The following KIF26B variants were observed in gnomAD, a reference collection of about 807,000 sequenced individuals.
The protein encoded by KIF26B is kinesin-like protein KIF26B.
Under a neutral mutation model 151.2 loss-of-function variants are expected in KIF26B, and 63 were observed. The ratio of observed to expected loss-of-function variants is 0.42; its 90% CI spans 0.34 to 0.51. The LOEUF (loss-of-function observed/expected upper bound fraction) is 0.51, where lower values mean the gene tolerates loss of function less well. Ranked by LOEUF, KIF26B falls within the 20% of genes least tolerant of loss-of-function variation. KIF26B has a pLI of 0.07. For synonymous variants in KIF26B, 1,357 were observed against 1,262.1 expected, an observed-to-expected ratio of 1.08 and a Z score of -1.59; for missense variants, 2,813 against 2,913.6, an observed-to-expected ratio of 0.97 and a Z score of 0.79.
At chr1:245,416,566 C>T (rs1417289332) in intron 3 of KIF26B, among the ~76,000 whole-genome samples, 5 of 151,812 alleles carry the variant, frequency 3.3e-5, no homozygotes, top group Non-Finnish European at 7.4e-5. Flanking sequence ...ATGATATGAA[C>T]CGAAGTGGAG....
At chr1:245,386,926 T>A (rs969034319) in intron 3 of KIF26B, among the ~76,000 whole-genome samples, 1 of 152,074 alleles carries the variant, frequency 6.6e-6, no homozygotes, top group African/African-American at 2.4e-5. Flanking sequence ...CCAAGTGCAG[T>A]GTTTGGTGAC....
rs138796428 is a variant in KIF26B, at chr1:245,312,870, G to T, written c.466-53964G>T. 4.1e-4 allele frequency among the ~76,000 whole-genome samples: 63 copies of T among 152,186 alleles called. No homozygotes were observed. The East Asian group carries it at 9.7e-3, about 23-fold the overall frequency. ...AAGAGAACAAATTCAAGGGAAGATGGATGGATACTGGCCGGGCGCCGTGGC... is the reference window on the plus strand; with the variant it reads ...AAGAGAACAAATTCAAGGGAAGATGTATGGATACTGGCCGGGCGCCGTGGC... On this transcript the variant is annotated intron_variant, in intron 2 of 14. Transcript: ENST00000407071.
intron 2 of KIF26B, among the ~76,000 whole-genome samples, chr1:245,355,991 G>A (rs1672686994): frequency 1.3e-5 from 2 of 152,048 alleles, no homozygotes; most frequent in African/African-American, 4.8e-5. Context: ...CGTCACCTGG[G>A]TGCTCGTCAG....
At chr1:245,196,339 A>G (rs535579267) in intron 2 of KIF26B, among the ~76,000 whole-genome samples, 5 of 152,294 alleles carry the variant, frequency 3.3e-5, no homozygotes, top group African/African-American at 1.2e-4. Context: ...TCCCATTCCT[A>G]ATAGCTCTGA....
At chr1:245,184,050 G>GCTTTTTTTTTTTTTTTTTTTTTTTTTT (rs1668953825) in intron 2 of KIF26B, among the ~76,000 whole-genome samples, 1 of 19,804 alleles carries the variant, frequency 5.0e-5, no homozygotes. Context: ...GGGAGTTGTT[G>GCTTTTTTTTTTTTTTTTTTTTTTTTTT]TTTTTTTTTT....
At chr1:245,262,883 G>A (rs1031816610) in intron 2 of KIF26B, among the ~76,000 whole-genome samples, 13 of 152,220 alleles carry the variant, frequency 8.5e-5, no homozygotes, top group Admixed American at 6.5e-5. Context: ...CTCAACACCA[G>A]TGACATTCCA....
At position 245,698,039 on chromosome 1, in the gene KIF26B, CT is replaced by C. The variant is rs1353515682; in HGVS notation, c.5825-66del. 6.9e-7 allele frequency: 1 copy of C among 1,452,842 alleles called. No individual in the cohort carries two copies. Among genetic ancestry groups the C allele is most frequent in the Non-Finnish European group, 9.4e-7 (1 of 1,069,320 alleles). 90.0% of individuals were successfully genotyped at this position (1,452,842 alleles called of 1,614,324 possible). ...CCTGGGCAACAGAGCAAGACCCTGT[CT>C]CAAAAAAACAACAAAAAAATTGAAA... is the stretch of plus-strand genomic sequence containing the variant. On this transcript the variant is annotated intron_variant, in intron 12 of 14. Transcript: ENST00000407071. This position sits in a 1 kb window ranked among gnomAD's most constrained non-coding sequence, Gnocchi z 4.0.
rs746961698 is a variant in KIF26B, at chr1:245,685,974, A to G, written c.2991A>G (p.Pro997=). ...QLTNREGPEL[P]ASKMQRSHSP... ...CCAACAGAGAAGGCCCTGAACTCCC[A>G]GCCTCCAAGATGCAGAGGAGTCACT... The change falls in exon 12 of 15, where the codon CCA becomes CCG. Residue 997 remains proline (P), a synonymous_variant. Transcript: ENST00000407071. 7 of 1,600,622 alleles carry G rather than the reference A, an allele frequency of 4.4e-6. No homozygotes were observed. Among genetic ancestry groups the G allele is most frequent in the Non-Finnish European group, 6.0e-6 (7 of 1,174,048 alleles).
rs529828664 is a variant in KIF26B at position 245,232,756 on chromosome 1, G to C, written c.465+76073G>C. Among the ~76,000 whole-genome samples, 140 of 152,220 alleles carry C rather than the reference G, an allele frequency of 9.2e-4. 1 individual carries two copies. The highest frequency in any genetic ancestry group is 3.2e-3 in the African/African-American group (135 of 41,544). The stretch of plus-strand genomic sequence containing the variant: ...GTAGAGACGGGGTTTCTCCATGTTG[G>C]TCAGGCTGGTCTCGAACTCCCGACC... On this transcript the variant is annotated intron_variant, in intron 2 of 14. Transcript: ENST00000407071.
chr1:245,598,790 A>C (rs1454832548), intron 5 of KIF26B, among the ~76,000 whole-genome samples: 1 of 152,160 alleles, frequency 6.6e-6, no homozygotes, highest in African/African-American at 2.4e-5. Flanking sequence ...AGCTGTCCCA[A>C]TCCATCCGTG....
chr1:245,409,194 C>T (rs1329299666), intron 3 of KIF26B, among the ~76,000 whole-genome samples: 1 of 152,194 alleles, frequency 6.6e-6, no homozygotes, highest in African/African-American at 2.4e-5. Flanking sequence ...CATGGTGGGA[C>T]CATATCACCT....
chr1:245,672,469 C>T (rs765188971), intron 10 of KIF26B, among the ~76,000 whole-genome samples: 7 of 152,208 alleles, frequency 4.6e-5, no homozygotes, highest in East Asian at 1.9e-4. Context: ...GATGTTACCA[C>T]GCAACTGGCC....
At chr1:245,576,154 C>G (rs960563334) in intron 5 of KIF26B, among the ~76,000 whole-genome samples, 8 of 152,190 alleles carry the variant, frequency 5.3e-5, no homozygotes, top group African/African-American at 1.9e-4. Context: ...ACAATTAAGC[C>G]TCAGAGGATC....
At chr1:245,648,115 A>G (rs2043972920) in intron 10 of KIF26B, among the ~76,000 whole-genome samples, 1 of 152,232 alleles carries the variant, frequency 6.6e-6, no homozygotes, top group Admixed American at 6.5e-5. Context: ...TCAGAACTTC[A>G]TAGATCATGA....
At chr1:245,321,161 A>G (rs1671880596) in intron 2 of KIF26B, among the ~76,000 whole-genome samples, 1 of 151,826 alleles carries the variant, frequency 6.6e-6, no homozygotes, top group Admixed American at 6.6e-5. Context: ...CATCCTTCCC[A>G]CCATCCACCC....
Position 245,686,726 on chromosome 1 carries a change from T to C in KIF26B, c.3743T>C (p.Val1248Ala). 6.2e-7 allele frequency: 1 copy of C among 1,613,444 alleles called. No individual in the cohort carries two copies. Among genetic ancestry groups the C allele is most frequent in the Non-Finnish European group, 8.5e-7 (1 of 1,179,780 alleles). The stretch of plus-strand genomic sequence containing the variant: ...GAGTGCTACTCCAGCACGGCCCCCG[T>C]CTCCGAGGTCAGCATCACACAGTTC... Reference protein sequence around the residue: ...DLECYSSTAPVSEVSITQFLP... With the variant: ...DLECYSSTAPASEVSITQFLP... Residue 1248 changes from valine (V) to alanine (A), a missense_variant, in exon 12 of 15, where the codon GTC (valine) becomes GCC (alanine). Val to Ala is a moderately conservative substitution (Grantham distance 64). Around this residue, in one of 3 missense-constraint regions of KIF26B, gnomAD observed 2,060 missense variants for 2,088.6 expected, o/e 0.99. Coordinates refer to ENST00000407071, the MANE Select transcript of KIF26B (RefSeq NM_018012.4). The surrounding 1 kb of genome is among the most constrained non-coding windows in gnomAD (Gnocchi z 5.6).
intron 4 of KIF26B, among the ~76,000 whole-genome samples, chr1:245,506,656 T>C (rs1024603971): frequency 6.6e-6 from 1 of 152,168 alleles, no homozygotes; most frequent in Admixed American, 6.5e-5. Context: ...AAATTTTAAC[T>C]GCAAACTCCC....
chr1:245,399,329 C>T (rs1673937258), intron 3 of KIF26B, among the ~76,000 whole-genome samples: 1 of 152,144 alleles, frequency 6.6e-6, no homozygotes, highest in Non-Finnish European at 1.5e-5. Flanking sequence ...AGACTCACTC[C>T]CCTTCTATGT....
intron 4 of KIF26B, among the ~76,000 whole-genome samples, chr1:245,504,428 C>T (rs1354144878): frequency 2.2e-5 from 3 of 136,592 alleles, no homozygotes; most frequent in Non-Finnish European, 4.7e-5. Flanking sequence ...TCCTTTCTTC[C>T]TTCTTTCTTT....
Sources: gnomAD v4.1 joint callset for allele counts (sites outside exome capture counted in the v4.1 genomes callset) on GRCh38, gnomAD v4.1.1 for gene constraint, gnomAD v4.1.1 regional missense constraint, Gnocchi (gnomAD v3.1) non-coding constraint, MANE v1.5 for transcripts, NCBI Gene and HGNC (gene_info 2026-07-23, HGNC 2026-07-21) for gene names.